UBR3: variants seen among roughly 807,000 people sequenced by gnomAD.
UBR3 encodes the protein E3 ubiquitin-protein ligase UBR3.
Under a neutral mutation model 243.2 loss-of-function variants are expected in UBR3, and 85 were observed. The observed-to-expected ratio is 0.35, with a 90% CI of 0.29 to 0.42. The LOEUF (loss-of-function observed/expected upper bound fraction) is 0.42. Among genes scored for constraint, UBR3 ranks in the 10% least tolerant of loss-of-function variants. UBR3 has a pLI of 1.00. For synonymous variants in UBR3, 748 were observed against 799.8 expected (o/e 0.94, Z 1.09); for missense variants, 1,686 against 2,300.8 (o/e 0.73, Z 5.47).
intron 1 of UBR3, among the ~76,000 whole-genome samples, chr2:169,842,097 A>G (rs183277366): frequency 4.3e-4 from 65 of 152,164 alleles, no homozygotes; most frequent in Admixed American, 2.5e-3. Flanking sequence ...GAGTGCACCA[A>G]TCGACACTCT....
At chr2:169,847,877 TA>T (rs1293554525) in intron 1 of UBR3, among the ~76,000 whole-genome samples, 1 of 152,082 alleles carries the variant, frequency 6.6e-6, no homozygotes, top group African/African-American at 2.4e-5. Context: ...AGTTATGTGC[TA>T]ATTAGTACTC....
At chr2:169,914,867 TGTG>T (rs780510731) in intron 11 of UBR3, among the ~76,000 whole-genome samples, 1 of 146,492 alleles carries the variant, frequency 6.8e-6, no homozygotes, top group South Asian at 2.1e-4. Flanking sequence ...TGTGTGTGTG[TGTG>T]TGTTTTTTTT....
In UBR3 at chr2:169,827,843, G is replaced by A. The variant is rs1338709925; in HGVS notation, c.336G>A (p.Arg112=). Residue 112 remains arginine, a synonymous_variant, in exon 1 of 39, where the codon CGG becomes CGA. Coordinates refer to ENST00000272793, the MANE Select transcript of UBR3 (RefSeq NM_172070.4). ...ACGACGAGTTCTGCGCGGCGGTGCG[G>A]GCCTACGATCCCGCGGCGCTCTGCG... ...GGYDEFCAAV[R]AYDPAALCGL... 3 of 1,506,724 alleles carry A rather than the reference G, an allele frequency of 2.0e-6. No individual in the cohort carries two copies. Among genetic ancestry groups the A allele is most frequent in the African/African-American group, 1.4e-5 (1 of 69,754 alleles). The allele number at this position is 1,506,724 out of a possible 1,614,324, so 93.3% of individuals were successfully genotyped here.
chr2:169,919,684 A>G (rs1313992765), intron 11 of UBR3, among the ~76,000 whole-genome samples: 1 of 152,232 alleles, frequency 6.6e-6, no homozygotes, highest in African/African-American at 2.4e-5. Flanking sequence ...GAAGACATTT[A>G]TGCAGCCAAA....
intron 30 of UBR3, among the ~76,000 whole-genome samples, chr2:170,022,315 G>A (rs561939950): frequency 1.3e-5 from 2 of 152,212 alleles, no homozygotes; most frequent in South Asian, 4.1e-4. Flanking sequence ...TAGGAACTCC[G>A]GGAGGCAGGA....
chr2:169,851,383 C>A (rs972533968), intron 1 of UBR3, among the ~76,000 whole-genome samples: 1 of 152,206 alleles, frequency 6.6e-6, no homozygotes, highest in African/African-American at 2.4e-5. Flanking sequence ...CCTGCCTCAA[C>A]CTCCCAAAGC....
At chr2:169,892,457 T>C (rs1388998101) in intron 6 of UBR3, among the ~76,000 whole-genome samples, 1 of 152,240 alleles carries the variant, frequency 6.6e-6, no homozygotes, top group African/African-American at 2.4e-5. Context: ...AGATACTTTT[T>C]ATGCAGACTT....
At chr2:170,039,060 G>C (rs922135094) in intron 31 of UBR3, among the ~76,000 whole-genome samples, 1 of 152,018 alleles carries the variant, frequency 6.6e-6, no homozygotes. Flanking sequence ...TGGATTAGAA[G>C]GTCTTTCAAA....
intron 24 of UBR3, among the ~76,000 whole-genome samples, chr2:169,973,410 A>C: frequency 6.7e-6 from 1 of 149,970 alleles, no homozygotes; most frequent in South Asian, 2.1e-4. Context: ...AATTGGAAAA[A>C]ACTACTTTAA....
chr2:169,967,239 AC>A (rs1390890042), intron 24 of UBR3, among the ~76,000 whole-genome samples: 3 of 65,652 alleles, frequency 4.6e-5, no homozygotes, highest in East Asian at 9.3e-4. Flanking sequence ...TGCCCCCCCC[AC>A]CCCCCTACAG....
chr2:170,003,270 C>A (rs972092474), intron 27 of UBR3, among the ~76,000 whole-genome samples: 1 of 152,174 alleles, frequency 6.6e-6, no homozygotes, highest in East Asian at 1.9e-4. Context: ...ATCAACAATA[C>A]GTGTTGTTGG....
chr2:170,063,267 T>C (rs184848528), intron 35 of UBR3, among the ~76,000 whole-genome samples: 125 of 152,254 alleles, frequency 8.2e-4, no homozygotes, highest in African/African-American at 2.8e-3. Flanking sequence ...CATGAACTTT[T>C]AGGGAAAACT....
At chr2:169,885,192 ATTG>A (rs1021958346) in intron 5 of UBR3, among the ~76,000 whole-genome samples, 1 of 152,190 alleles carries the variant, frequency 6.6e-6, no homozygotes, top group Non-Finnish European at 1.5e-5. Flanking sequence ...TCATGATTTT[ATTG>A]TTGTAATTTA....
chr2:170,045,725 C>G (rs1453775088), intron 32 of UBR3, among the ~76,000 whole-genome samples: 1 of 152,064 alleles, frequency 6.6e-6, no homozygotes, highest in African/African-American at 2.4e-5. Context: ...CAACTCATGG[C>G]CAGTCTTGTT....
At chr2:169,965,294 CCT>C (rs1433005535) in intron 24 of UBR3, among the ~76,000 whole-genome samples, 1 of 152,092 alleles carries the variant, frequency 6.6e-6, no homozygotes, top group Non-Finnish European at 1.5e-5. Context: ...TTAGCCAGAT[CCT>C]CTCCCTCATT....
At chr2:170,012,086 GTA>G in intron 29 of UBR3, among the ~76,000 whole-genome samples, 1 of 152,088 alleles carries the variant, frequency 6.6e-6, no homozygotes. Flanking sequence ...TAAATGGTGG[GTA>G]CTCAATAGAG....
intron 23 of UBR3, among the ~76,000 whole-genome samples, chr2:169,952,035 A>G (rs2087056203): frequency 6.6e-6 from 1 of 152,184 alleles, no homozygotes; most frequent in Non-Finnish European, 1.5e-5. Context: ...GTCCAGTCAG[A>G]TATAGGGTTT....
intron 5 of UBR3, among the ~76,000 whole-genome samples, chr2:169,881,306 A>C (rs1465917790): frequency 6.6e-6 from 1 of 151,786 alleles, no homozygotes; most frequent in African/African-American, 2.4e-5. Context: ...CAGCCTGCCG[A>C]GTAGCTGGGA....
intron 33 of UBR3, among the ~76,000 whole-genome samples, chr2:170,059,041 A>G (rs756788940): frequency 1.3e-5 from 2 of 152,140 alleles, no homozygotes; most frequent in Non-Finnish European, 2.9e-5. Context: ...GATTCTTCTT[A>G]TCTCGATTTT....
Sources: allele counts gnomAD v4.1 joint callset (sites outside exome capture counted in the v4.1 genomes callset), GRCh38; gene constraint gnomAD v4.1.1; transcripts MANE v1.5; gene names NCBI Gene and HGNC (gene_info 2026-07-23, HGNC 2026-07-21).